Variants in RPTOR observed in about 807,000 individuals in gnomAD.
RPTOR encodes the protein regulatory associated protein of MTOR complex 1.
A neutral mutation model predicts 169.9 loss-of-function variants in RPTOR; 21 were observed. That is an observed-to-expected ratio of 0.12 (90% CI 0.09 to 0.18). The LOEUF (loss-of-function observed/expected upper bound fraction) is 0.18, where lower values mean the gene tolerates loss of function less well. RPTOR is among the 10% of genes least tolerant of loss of function. The probability of loss-of-function intolerance (pLI) is 1.00; values close to 1 mark genes in which losing one functional copy is unlikely to be tolerated. For missense variants in RPTOR, 1,133 were observed against 1,855.9 expected (o/e 0.61, Z 7.16); for synonymous variants, 732 against 753.2 (o/e 0.97, Z 0.46).
At chr17:80,626,868 G>A (rs1223883801) in intron 2 of RPTOR, among the ~76,000 whole-genome samples, 2 of 151,414 alleles carry the variant, frequency 1.3e-5, no homozygotes, top group Admixed American at 1.3e-4. Context: ...AATTCATAAT[G>A]TTGTGCAAGC....
chr17:80,688,658 T>G (rs1051830519), intron 3 of RPTOR, among the ~76,000 whole-genome samples: 1 of 152,242 alleles, frequency 6.6e-6, no homozygotes, highest in Non-Finnish European at 1.5e-5. Context: ...TGGGACACTT[T>G]AAGCATCTCC....
intron 2 of RPTOR, among the ~76,000 whole-genome samples, chr17:80,639,348 AG>A (rs572153210): frequency 1.4e-4 from 21 of 151,932 alleles, no homozygotes; most frequent in Non-Finnish European, 2.5e-4. Context: ...TTGTCCGAGC[AG>A]TGAGTGCTGG....
intron 17 of RPTOR, among the ~76,000 whole-genome samples, chr17:80,891,510 C>T (rs888830799): frequency 2.6e-5 from 4 of 152,250 alleles, no homozygotes; most frequent in Admixed American, 2.0e-4. Flanking sequence ...GGGCTTCCCC[C>T]GTGAGCCAGT....
intron 3 of RPTOR, among the ~76,000 whole-genome samples, chr17:80,644,754 C>CT (rs1465105568): frequency 6.6e-6 from 1 of 152,130 alleles, no homozygotes; most frequent in Non-Finnish European, 1.5e-5. Context: ...TATTTACATT[C>CT]TTAGAGTAAG....
intron 2 of RPTOR, among the ~76,000 whole-genome samples, chr17:80,639,447 C>T (rs1027456245): frequency 6.6e-6 from 1 of 151,906 alleles, no homozygotes; most frequent in Non-Finnish European, 1.5e-5. Context: ...CTGATCATAC[C>T]CATGGACCCC....
In RPTOR at chr17:80,730,754, T is replaced by A; in HGVS notation, c.654+48T>A. 2.8e-6 allele frequency: 2 copies of A among 721,642 alleles called. No homozygotes were observed. The highest frequency in any genetic ancestry group is 4.4e-6 in the Non-Finnish European group (2 of 457,692). The allele number at this position is 721,642 out of a possible 1,614,324, so 44.7% of individuals were successfully genotyped here. ...AGCGGTGCTGGGTTTGGTTTTGTTT[T>A]CCCTGGGGGTGGGGTTTGGGTGGGG... On this transcript the variant is annotated intron_variant, in intron 5 of 33. Transcript: ENST00000306801. This position sits in a 1 kb window ranked among gnomAD's most constrained non-coding sequence, Gnocchi z 4.2.
rs957160449 is a variant in RPTOR, at chr17:80,646,709, G to A, written c.348+2899G>A. ...CCATCTGCAATAAAACAATGGGGGC[G>A]TTATTAAATTTCCCAGACCTTCAGT... is the stretch of plus-strand genomic sequence containing the variant. On this transcript the variant is annotated intron_variant, in intron 3 of 33. Coordinates refer to ENST00000306801, the MANE Select transcript of RPTOR (RefSeq NM_020761.3). The surrounding 1 kb of genome is among the most constrained non-coding windows in gnomAD (Gnocchi z 5.0). Among the ~76,000 whole-genome samples, 5 of 152,134 alleles carry A rather than the reference G, an allele frequency of 3.3e-5. No homozygotes were observed. The highest frequency in any genetic ancestry group is 1.2e-4 in the African/African-American group (5 of 41,412).
At chr17:80,622,781 TG>T (rs1392526124) in intron 1 of RPTOR, among the ~76,000 whole-genome samples, 2 of 152,086 alleles carry the variant, frequency 1.3e-5, no homozygotes, top group African/African-American at 4.8e-5. Context: ...GCACACCCTG[TG>T]GTCCCAGCTA....
intron 9 of RPTOR, among the ~76,000 whole-genome samples, chr17:80,832,639 G>GT (rs1462004178): frequency 2.6e-5 from 4 of 152,194 alleles, no homozygotes; most frequent in Non-Finnish European, 5.9e-5. Flanking sequence ...TTTGCCAACT[G>GT]CAACTGAGGA....
intron 10 of RPTOR, among the ~76,000 whole-genome samples, chr17:80,841,825 T>A (rs1399360237): frequency 2.2e-4 from 21 of 96,434 alleles, no homozygotes; most frequent in South Asian, 7.8e-4. Context: ...GGCAGCTCAC[T>A]CTCACCGCAC....
At position 80,868,444 on chromosome 17, in the gene RPTOR, C is replaced by T. The variant is rs140941412; in HGVS notation, c.1509+10544C>T. On this transcript the variant is annotated intron_variant, in intron 13 of 33. Coordinates refer to ENST00000306801, the MANE Select transcript of RPTOR (RefSeq NM_020761.3). Reference sequence around the variant, plus strand: ...GCACCCACAGTCATATACCACTGCACACCAAGTAGATGCCTAAGAAGCTGC... The same window carrying T: ...GCACCCACAGTCATATACCACTGCATACCAAGTAGATGCCTAAGAAGCTGC... 5.9e-5 allele frequency among the ~76,000 whole-genome samples: 9 copies of T among 151,974 alleles called. No homozygotes were observed. The East Asian group carries it at 1.5e-3, about 26-fold the overall frequency.
rs529024843 is a variant in RPTOR, at chr17:80,685,345, G to A, written c.349-22496G>A. ...GGCTGGAGTGCAGTGGTGTGATCTT[G>A]GCTCACTACAGCCTCGACCTCCTGG... On this transcript the variant is annotated intron_variant, in intron 3 of 33. Coordinates refer to ENST00000306801, the MANE Select transcript of RPTOR (RefSeq NM_020761.3). Among the ~76,000 whole-genome samples, 22 of 151,792 alleles carry A rather than the reference G, an allele frequency of 1.4e-4. No homozygotes were observed. In the South Asian group the frequency reaches 4.4e-3, roughly 30 times the overall value.
intron 1 of RPTOR, among the ~76,000 whole-genome samples, chr17:80,608,268 A>G (rs1227153187): frequency 6.6e-6 from 1 of 152,264 alleles, no homozygotes; most frequent in African/African-American, 2.4e-5. Context: ...GGAATTTATG[A>G]TCTCATTTCC....
rs143873024 is a variant in RPTOR, at chr17:80,822,391, T to A, written c.991+90T>A. On this transcript the variant is annotated intron_variant, in intron 8 of 33. Transcript: ENST00000306801. ...CGGACATGAGAGGAGTCAGATAGGA[T>A]CCGTGAGTGCCTCCCTAGTGAGGAA... 7.0e-5 allele frequency: 87 copies of A among 1,249,812 alleles called. 1 individual carries two copies. The highest frequency in any genetic ancestry group is 1.9e-4 in the Middle Eastern group (1 of 5,340). The allele number at this position is 1,249,812 out of a possible 1,614,324, so 77.4% of individuals were successfully genotyped here.
intron 1 of RPTOR, among the ~76,000 whole-genome samples, chr17:80,583,059 G>A (rs1157924286): frequency 2.0e-5 from 3 of 151,590 alleles, no homozygotes; most frequent in Non-Finnish European, 4.4e-5. Context: ...GGGACCCCAG[G>A]CATGCGCCAC....
chr17:80,938,091 C>T lies in RPTOR; in HGVS notation c.2920-2405C>T, dbSNP rs577487569. ...CCCCTACAGGCAGAAGCCCCTGGGC[C>T]GGGAGAGGGCCCTTGCAGTGCCGTG... On this transcript the variant is annotated intron_variant, in intron 24 of 33. Transcript: ENST00000306801. 2.3e-4 allele frequency among the ~76,000 whole-genome samples: 35 copies of T among 152,366 alleles called. 2 individuals carry two copies. In the South Asian group the frequency reaches 4.6e-3, roughly 20 times the overall value.
chr17:80,603,007 C>T (rs1219538805), intron 1 of RPTOR: 1 of 260,590 alleles, frequency 3.8e-6, no homozygotes, highest in African/African-American at 2.3e-5. Flanking sequence ...CAGATGGGTT[C>T]TTTGTACTTC....
rs955092869 is a variant in RPTOR at position 80,823,653 on chromosome 17, A to T, written c.1136+430A>T. The T allele has an allele frequency of 4.5e-5, 7 of 155,874 alleles. No homozygotes were observed. The highest frequency in any genetic ancestry group is 1.0e-4 in the African/African-American group (4 of 38,716). 9.7% of individuals were successfully genotyped at this position (155,874 alleles called of 1,614,324 possible). A position where few individuals can be genotyped will look rare whatever the true frequency, so the allele number is the denominator to read the frequency against. ...TTATGCTTATTTCTCACACACACACACACACACACACACACACACACACAC... is the reference window on the plus strand; with the variant it reads ...TTATGCTTATTTCTCACACACACACTCACACACACACACACACACACACAC... On this transcript the variant is annotated intron_variant, in intron 9 of 33. Coordinates refer to ENST00000306801, the MANE Select transcript of RPTOR (RefSeq NM_020761.3). The surrounding 1 kb of genome is among the most constrained non-coding windows in gnomAD (Gnocchi z 4.5).
chr17:80,775,541 G>C (rs1376331692), intron 6 of RPTOR, among the ~76,000 whole-genome samples: 3 of 152,162 alleles, frequency 2.0e-5, no homozygotes, highest in Non-Finnish European at 1.5e-5. Flanking sequence ...GCCAGCCCTG[G>C]TTTCCCACTG....
Sources: gnomAD v4.1 joint callset for allele counts (sites outside exome capture counted in the v4.1 genomes callset) on GRCh38, gnomAD v4.1.1 for gene constraint, Gnocchi (gnomAD v3.1) non-coding constraint, MANE v1.5 for transcripts, NCBI Gene and HGNC (gene_info 2026-07-23, HGNC 2026-07-21) for gene names.